The following CCL17 variants were observed in gnomAD, a reference collection of about 807,000 sequenced individuals.
CCL17 encodes C-C motif chemokine 17.
A neutral mutation model predicts 7.4 loss-of-function variants in CCL17; 8 were observed. The ratio of observed to expected loss-of-function variants is 1.09; its 90% CI spans 0.64 to 1.96. The LOEUF is 1.96. CCL17 is among the 30% of genes most tolerant of loss of function. CCL17 has a pLI of 0.00. For synonymous variants in CCL17, 40 were observed against 46.1 expected (o/e 0.87, Z 0.54); for missense variants, 102 against 113.0 (o/e 0.90, Z 0.44).
chr16:57,415,894 C>A lies in CCL17; in HGVS notation c.*33C>A. ...TCACCCCAGACTCCTGACTGTCTCC[C>A]GGGACTACCTGGGACCTCCACCGTT... On this transcript the variant is annotated 3_prime_UTR_variant, in exon 4 of 4. Transcript: ENST00000219244. This position sits in a 1 kb window ranked among gnomAD's most constrained non-coding sequence, Gnocchi z 4.5. 1.4e-6 allele frequency: 2 copies of A among 1,409,102 alleles called. No individual in the cohort carries two copies. The highest frequency in any genetic ancestry group is 1.2e-5 in the South Asian group (1 of 86,860). The allele number at this position is 1,409,102 out of a possible 1,614,324, so 87.3% of individuals were successfully genotyped here.
In CCL17 at chr16:57,406,957, C is replaced by T. The variant is rs1038802217; in HGVS notation, c.-60+2121C>T. Among the ~76,000 whole-genome samples, 8 of 152,230 alleles carry T rather than the reference C, an allele frequency of 5.3e-5. No individual in the cohort carries two copies. The East Asian group carries it at 1.5e-3, about 29-fold the overall frequency. ...GGAGTGGCTGGAGGGGATCAAGAGG[C>T]TCAGTGAGAGCACCTTTCCTAGAGC... is the stretch of plus-strand genomic sequence containing the variant. On this transcript the variant is annotated intron_variant, in intron 1 of 3. Transcript: ENST00000219244.
At chr16:57,404,572 G>A (rs1353744184), upstream of CCL17, among the ~76,000 whole-genome samples, 2 of 152,088 alleles carry the variant, frequency 1.3e-5, no homozygotes, top group African/African-American at 4.8e-5. Flanking sequence ...TATTTGGTAT[G>A]GCGAGTAGGC....
chr16:57,407,336 A>G (rs535046014), intron 1 of CCL17, among the ~76,000 whole-genome samples: 1 of 152,302 alleles, frequency 6.6e-6, no homozygotes, highest in African/African-American at 2.4e-5. Context: ...ACCACAAGGA[A>G]GTTGTAAACT....
chr16:57,400,354 G>T (rs370240495), upstream of CCL17, among the ~76,000 whole-genome samples: 1 of 151,374 alleles, frequency 6.6e-6, no homozygotes, highest in Non-Finnish European at 1.5e-5. Context: ...GCGAGACTCC[G>T]TCTCAAAAAA....
chr16:57,411,826 G>A (rs1902789022), intron 1 of CCL17, among the ~76,000 whole-genome samples: 1 of 152,248 alleles, frequency 6.6e-6, no homozygotes, highest in Non-Finnish European at 1.5e-5. Flanking sequence ...GCCCAGCGCG[G>A]CCTCCTTTGC....
At chr16:57,404,489 A>G (rs1902666581), upstream of CCL17, among the ~76,000 whole-genome samples, 1 of 152,036 alleles carries the variant, frequency 6.6e-6, no homozygotes, top group South Asian at 2.1e-4. Context: ...CTGGCAGAGA[A>G]GGAGGAGAGA....
upstream of CCL17, among the ~76,000 whole-genome samples, chr16:57,403,567 T>TA (rs1902644802): frequency 1.9e-5 from 1 of 53,460 alleles, no homozygotes; most frequent in Non-Finnish European, 3.3e-5. Flanking sequence ...ATATATAATA[T>TA]ATATTTATAA....
At chr16:57,402,380 C>T (rs1902606415), upstream of CCL17, among the ~76,000 whole-genome samples, 1 of 152,182 alleles carries the variant, frequency 6.6e-6, no homozygotes, top group Non-Finnish European at 1.5e-5. Context: ...AGGCTTCTTC[C>T]CAGGATGCTG....
At chr16:57,398,613 G>A in the CCL17 span, among the ~76,000 whole-genome samples, 4 of 152,322 alleles carry the variant, frequency 2.6e-5, no homozygotes, top group Admixed American at 6.5e-5. Flanking sequence ...ATGTCTTAGG[G>A]TGAGGATAAG....
chr16:57,408,339 C>T (rs1321866821), intron 1 of CCL17, among the ~76,000 whole-genome samples: 1 of 152,176 alleles, frequency 6.6e-6, no homozygotes, highest in Non-Finnish European at 1.5e-5. Context: ...CACTCATTTA[C>T]CCATCCATAT....
Position 57,414,012 on chromosome 16 carries a change from G to A in CCL17, c.70+10G>A. Reference sequence around the variant, plus strand: ...CAGCACATCCACGCAGGTGAGAGCAGGGGACAGGTGGCCAGGGGCAGGCAC... The same window carrying A: ...CAGCACATCCACGCAGGTGAGAGCAAGGGACAGGTGGCCAGGGGCAGGCAC... On this transcript the variant is annotated intron_variant, in intron 2 of 3. Coordinates refer to ENST00000219244, the MANE Select transcript of CCL17 (RefSeq NM_002987.3). The A allele has an allele frequency of 6.2e-7, 1 of 1,608,440 alleles. No homozygotes were observed. The highest frequency in any genetic ancestry group is 8.5e-7 in the Non-Finnish European group (1 of 1,177,170).
At position 57,415,300 on chromosome 16, in the gene CCL17, CG is replaced by C. The variant is rs1902852518; in HGVS notation, c.188+106del. ...CCAATGGGGAGCAGGGAAGAGACAG[CG>C]GGGCCTTCCTCCCCAACCCCTGCAG... On this transcript the variant is annotated intron_variant, in intron 3 of 3. Transcript: ENST00000219244. This position sits in a 1 kb window ranked among gnomAD's most constrained non-coding sequence, Gnocchi z 4.5. The C allele has an allele frequency of 3.8e-6, 3 of 792,806 alleles. No individual in the cohort carries two copies. The Admixed American group carries it at 5.5e-5, about 15-fold the overall frequency. The allele number at this position is 792,806 out of a possible 1,614,324, so 49.1% of individuals were successfully genotyped here. A position where few individuals can be genotyped will look rare whatever the true frequency, so the allele number is the denominator to read the frequency against.
intron 1 of CCL17, among the ~76,000 whole-genome samples, chr16:57,408,968 C>T (rs1027424943): frequency 1.3e-5 from 2 of 152,110 alleles, no homozygotes; most frequent in Non-Finnish European, 2.9e-5. Context: ...CCTCTGCCTC[C>T]GAAAGTATTG....
chr16:57,415,782 G>A lies in CCL17; in HGVS notation c.206G>A (p.Gly69Asp). 1.2e-6 allele frequency: 2 copies of A among 1,611,854 alleles called. No individual in the cohort carries two copies. Among genetic ancestry groups the A allele is most frequent in the South Asian group, 2.2e-5 (2 of 91,040 alleles). The change falls in exon 4 of 4, where the codon GGC (glycine) becomes GAC (aspartate). Residue 69 changes from glycine (G) to aspartate (D), a missense_variant. By Grantham distance (94) the Gly-to-Asp change is moderately conservative. Coordinates refer to ENST00000219244, the MANE Select transcript of CCL17 (RefSeq NM_002987.3). The surrounding 1 kb of genome is among the most constrained non-coding windows in gnomAD (Gnocchi z 4.5). Reference sequence around the variant, plus strand: ...CTGTGTAGTTTTGTAACTGTGCAGGGCAGGGCCATCTGTTCGGACCCCAAC... The same window carrying A: ...CTGTGTAGTTTTGTAACTGTGCAGGACAGGGCCATCTGTTCGGACCCCAAC... ...RDAIVFVTVQ[G>D]RAICSDPNNK...
rs1902857615 is a variant in CCL17, at chr16:57,415,699, C to A, written c.189-66C>A. 1.9e-6 allele frequency: 2 copies of A among 1,026,848 alleles called. No individual in the cohort carries two copies. The highest frequency in any genetic ancestry group is 1.3e-5 in the South Asian group (1 of 78,636). 63.6% of individuals were successfully genotyped at this position (1,026,848 alleles called of 1,614,324 possible). Reference sequence around the variant, plus strand: ...GGAATCCTGGTCAGCACAGGGCGGGCCGTCCCAGGGACTCTGGGGGCCCTT... The same window carrying A: ...GGAATCCTGGTCAGCACAGGGCGGGACGTCCCAGGGACTCTGGGGGCCCTT... On this transcript the variant is annotated intron_variant, in intron 3 of 3. Transcript: ENST00000219244. This position sits in a 1 kb window ranked among gnomAD's most constrained non-coding sequence, Gnocchi z 4.5.
chr16:57,407,539 A>G (rs1902714412), intron 1 of CCL17, among the ~76,000 whole-genome samples: 1 of 152,192 alleles, frequency 6.6e-6, no homozygotes, highest in Admixed American at 6.5e-5. Context: ...CCATCTATCC[A>G]TGCATTCATG....
Position 57,415,202 on chromosome 16 carries a change from A to T in CCL17, c.188+4A>T. 1 of 1,577,892 alleles carries T rather than the reference A, an allele frequency of 6.3e-7. No homozygotes were observed. Among genetic ancestry groups the T allele is most frequent in the Non-Finnish European group, 8.7e-7 (1 of 1,147,064 alleles). On this transcript the variant is annotated splice_donor_region_variant and intron_variant, in intron 3 of 3. Transcript: ENST00000219244. The surrounding 1 kb of genome is among the most constrained non-coding windows in gnomAD (Gnocchi z 4.5). ...ACTGCTCCAGGGATGCCATCGTGTA[A>T]GTCCCCCTGGCTCCACCCCTGCTCC...
upstream of CCL17, among the ~76,000 whole-genome samples, chr16:57,402,776 CT>C (rs1392023074): frequency 6.6e-6 from 1 of 152,118 alleles, no homozygotes; most frequent in African/African-American, 2.4e-5. Context: ...AGAAGGGTTT[CT>C]GCATTCTGCT....
At chr16:57,403,813 C>T (rs181926486), upstream of CCL17, among the ~76,000 whole-genome samples, 277 of 148,318 alleles carry the variant, frequency 1.9e-3, no homozygotes, top group African/African-American at 6.7e-3. Flanking sequence ...CCTGCCACCA[C>T]GCTCAGCTGA....
Sources: gnomAD v4.1 joint callset for allele counts (sites outside exome capture counted in the v4.1 genomes callset) on GRCh38, gnomAD v4.1.1 for gene constraint, Gnocchi (gnomAD v3.1) non-coding constraint, MANE v1.5 for transcripts, NCBI Gene and HGNC (gene_info 2026-07-23, HGNC 2026-07-21) for gene names.